KATNA1: variants seen among roughly 807,000 people sequenced by gnomAD.
The protein encoded by KATNA1 is katanin p60 ATPase-containing subunit A1.
In KATNA1, 42 loss-of-function variants were observed where a neutral mutation model predicts 62.6. That is an observed-to-expected ratio of 0.67 (90% CI 0.52 to 0.87). The LOEUF (loss-of-function observed/expected upper bound fraction) is 0.87, where lower values mean the gene tolerates loss of function less well. KATNA1 is among the 40% of genes least tolerant of loss of function. KATNA1 has a pLI of 0.00. For missense variants in KATNA1, 498 were observed against 612.5 expected, an observed-to-expected ratio of 0.81 and a Z score of 1.97; for synonymous variants, 186 against 201.9, an observed-to-expected ratio of 0.92 and a Z score of 0.67.
Position 149,597,367 on chromosome 6 carries a change from A to T in KATNA1, c.1150+140T>A, listed in dbSNP as rs915693499. On this transcript the variant is annotated intron_variant, in intron 9 of 10. Coordinates refer to ENST00000367411, the MANE Select transcript of KATNA1 (RefSeq NM_007044.4). ...ATTCCTTACTATTTAGTATTAAGGC[A>T]TATAGCCAAACTAGTACTGTAAAGG... 6 of 1,187,464 alleles carry T rather than the reference A, an allele frequency of 5.1e-6. No individual in the cohort carries two copies. The African/African-American group carries it at 9.3e-5, about 18-fold the overall frequency. The allele number at this position is 1,187,464 out of a possible 1,614,324, so 73.6% of individuals were successfully genotyped here.
intron 5 of KATNA1, among the ~76,000 whole-genome samples, chr6:149,603,873 A>G (rs1195098245): frequency 6.6e-6 from 1 of 152,204 alleles, no homozygotes; most frequent in Non-Finnish European, 1.5e-5. Flanking sequence ...TCCAACCACT[A>G]GAATACCTAC....
intron 2 of KATNA1, among the ~76,000 whole-genome samples, chr6:149,633,399 G>A (rs1387617651): frequency 6.6e-6 from 1 of 152,000 alleles, no homozygotes; most frequent in African/African-American, 2.4e-5. Context: ...GAGCCACTGC[G>A]CTCGGCCCTC....
chr6:149,640,193 T>C (rs1233454739), intron 1 of KATNA1, among the ~76,000 whole-genome samples: 1 of 152,212 alleles, frequency 6.6e-6, no homozygotes, highest in Non-Finnish European at 1.5e-5. Flanking sequence ...AAATGTTAAA[T>C]GTGTCTGCCA....
chr6:149,622,990 CAG>C (rs1279812973), intron 4 of KATNA1, 111 bp downstream of exon 4: 1 of 769,282 alleles, frequency 1.3e-6, no homozygotes, highest in African/African-American at 1.8e-5. Context: ...GCCTGGGTGA[CAG>C]AGTGAGACTG....
chr6:149,622,760 C>A (rs1360823368), intron 4 of KATNA1, among the ~76,000 whole-genome samples: 1 of 85,636 alleles, frequency 1.2e-5, no homozygotes, highest in Admixed American at 1.9e-4. Flanking sequence ...GGAGGCCTGG[C>A]AGGGGGGCGG....
chr6:149,598,071 G>T, intron 8 of KATNA1, 153 bp downstream of exon 8: 2 of 750,692 alleles, frequency 2.7e-6, no homozygotes, highest in African/African-American at 1.8e-5. Flanking sequence ...TCACTATCAG[G>T]AACTTCTTGC....
intron 4 of KATNA1, among the ~76,000 whole-genome samples, chr6:149,611,480 G>C (rs867283361): frequency 8.0e-6 from 1 of 125,508 alleles, no homozygotes. Flanking sequence ...AAAAAAAAAA[G>C]AAAAAAGAAA....
At chr6:149,630,776 C>G (rs1032096679) in intron 3 of KATNA1, among the ~76,000 whole-genome samples, 15 of 152,142 alleles carry the variant, frequency 9.9e-5, no homozygotes, top group African/African-American at 3.6e-4. Context: ...TTCCTGAGTT[C>G]TACCTGCTAT....
At position 149,638,742 on chromosome 6, in the gene KATNA1, T is replaced by TG. The variant is rs1203031182; in HGVS notation, c.-13-183_-13-182insC. ...TAAAAAAAACATTGTTTTTTTTTTT[T>TG]TTTTTTTTTTTTGAGACGGAGTCTC... On this transcript the variant is annotated intron_variant, in intron 1 of 10. Coordinates refer to ENST00000367411, the MANE Select transcript of KATNA1 (RefSeq NM_007044.4). 6.2e-4 allele frequency: 272 copies of TG among 440,420 alleles called. 2 individuals carry two copies. The highest frequency in any genetic ancestry group is 5.3e-3 in the African/African-American group (246 of 46,488). The allele number at this position is 440,420 out of a possible 1,614,324, so 27.3% of individuals were successfully genotyped here. A position where few individuals can be genotyped will look rare whatever the true frequency, so the allele number is the denominator to read the frequency against.
intron 4 of KATNA1, among the ~76,000 whole-genome samples, chr6:149,622,101 A>G (rs1779420153): frequency 1.3e-5 from 2 of 151,418 alleles, no homozygotes; most frequent in African/African-American, 4.9e-5. Context: ...ACAATGTAAA[A>G]TTTACAGCTT....
At chr6:149,613,978 G>T (rs1779068440) in intron 4 of KATNA1, among the ~76,000 whole-genome samples, 1 of 152,096 alleles carries the variant, frequency 6.6e-6, no homozygotes, top group African/African-American at 2.4e-5. Context: ...TACTCCAGAG[G>T]ATGCAGCCCT....
intron 3 of KATNA1, among the ~76,000 whole-genome samples, chr6:149,626,639 T>A (rs1471371076): frequency 2.0e-5 from 3 of 151,600 alleles, no homozygotes; most frequent in Non-Finnish European, 4.4e-5. Flanking sequence ...TTACAAGTAA[T>A]CTAAATATGA....
intron 3 of KATNA1, 120 bp from the exon 4 acceptor site, chr6:149,623,403 CGACTG>C: frequency 1.6e-6 from 1 of 633,914 alleles, no homozygotes; most frequent in East Asian, 3.0e-5. Context: ...ACACAAGACA[CGACTG>C]AATAAACTTC....
rs1205574989 is a variant in KATNA1 at position 149,632,752 on chromosome 6, C to A, written c.320+7G>T. 1 of 1,598,116 alleles carries A rather than the reference C, an allele frequency of 6.3e-7. No homozygotes were observed. Among genetic ancestry groups the A allele is most frequent in the African/African-American group, 1.4e-5 (1 of 73,780 alleles). ...GATAACTGGTTTCTTAAAAGGTTTC[C>A]ACTTACCTTCGTTCAACAGGTACAG... is the stretch of plus-strand genomic sequence containing the variant. On this transcript the variant is annotated splice_region_variant and intron_variant, in intron 3 of 10. Transcript: ENST00000367411.
intron 2 of KATNA1, among the ~76,000 whole-genome samples, chr6:149,634,879 C>T (rs1780008932): frequency 1.3e-5 from 2 of 151,446 alleles, no homozygotes; most frequent in Non-Finnish European, 2.9e-5. Flanking sequence ...TAATGGGTCA[C>T]AACCTACAGA....
At chr6:149,603,923 T>C (rs1778640929) in intron 5 of KATNA1, among the ~76,000 whole-genome samples, 1 of 152,188 alleles carries the variant, frequency 6.6e-6, no homozygotes, top group Non-Finnish European at 1.5e-5. Context: ...AAAAAAAGTA[T>C]TTTCATTGTA....
intron 4 of KATNA1, among the ~76,000 whole-genome samples, chr6:149,619,338 C>T (rs964010411): frequency 4.6e-5 from 7 of 152,092 alleles, no homozygotes; most frequent in African/African-American, 7.2e-5. Flanking sequence ...AACTGCTGGG[C>T]GTGGTGGCTC....
chr6:149,599,567 C>T (rs973353460), intron 7 of KATNA1, among the ~76,000 whole-genome samples: 1 of 145,208 alleles, frequency 6.9e-6, no homozygotes, highest in African/African-American at 2.5e-5. Flanking sequence ...CTTTCCTCCC[C>T]TCTCCCCTCT....
Position 149,623,137 on chromosome 6 carries a change from T to A in KATNA1, c.467A>T (p.Glu156Val), listed in dbSNP as rs780752509. The A allele has an allele frequency of 6.2e-7, 1 of 1,605,786 alleles. No homozygotes were observed. The highest frequency in any genetic ancestry group is 1.1e-5 in the South Asian group (1 of 88,546). ...NDRGKAVRCR[E>V]KKEQNKGREE... ...TCTTCCTTTATTCTGTTCTTTCTTT[T>A]CACGACAACGAACAGCTTTCCCTCT... The change falls in exon 4 of 11, where the codon GAA becomes GTA. Residue 156 changes from glutamate to valine, a missense_variant. This residue lies in a region of KATNA1 where 203 missense variants were observed against 198.4 expected (regional missense o/e 1.02). Transcript: ENST00000367411.
Sources: allele counts gnomAD v4.1 joint callset (sites outside exome capture counted in the v4.1 genomes callset), GRCh38; gene constraint gnomAD v4.1.1; regional missense constraint gnomAD v4.1.1; transcripts MANE v1.5; gene names NCBI Gene and HGNC (gene_info 2026-07-23, HGNC 2026-07-21).